The following SH3GL1 variants were observed in gnomAD, a reference collection of about 807,000 sequenced individuals.
SH3GL1 encodes the protein endophilin-A2.
SH3GL1 carries 21 observed loss-of-function variants against 48.8 expected under a neutral mutation model. The ratio of observed to expected loss-of-function variants is 0.43; its 90% CI spans 0.30 to 0.62. The LOEUF (loss-of-function observed/expected upper bound fraction) is 0.62. Among genes scored for constraint, SH3GL1 ranks in the 20% least tolerant of loss-of-function variants. The probability of loss-of-function intolerance (pLI) is 0.11; values close to 1 mark genes in which losing one functional copy is unlikely to be tolerated. For missense variants in SH3GL1, 454 were observed against 503.0 expected, an observed-to-expected ratio of 0.90 and a Z score of 0.93; for synonymous variants, 282 against 217.5, an observed-to-expected ratio of 1.30 and a Z score of -2.61.
In SH3GL1 at chr19:4,376,473, C is replaced by T. The variant is rs1277263347; in HGVS notation, c.46-9479G>A. Among the ~76,000 whole-genome samples, 6 of 152,150 alleles carry T rather than the reference C, an allele frequency of 3.9e-5. No individual in the cohort carries two copies. The highest frequency in any genetic ancestry group is 3.9e-4 in the Admixed American group (6 of 15,274). On this transcript the variant is annotated intron_variant, in intron 1 of 9. Coordinates refer to ENST00000269886, the MANE Select transcript of SH3GL1 (RefSeq NM_003025.4). The surrounding 1 kb of genome is among the most constrained non-coding windows in gnomAD (Gnocchi z 4.3). Reference sequence around the variant, plus strand: ...GTGCTTGCCTCTCCCGTGTCCTATCCGCCCAGACCTCAGACCTCAGAGAAG... The same window carrying T: ...GTGCTTGCCTCTCCCGTGTCCTATCTGCCCAGACCTCAGACCTCAGAGAAG...
In SH3GL1 at chr19:4,361,527, C is replaced by A. The variant is rs1410682828; in HGVS notation, c.*73G>T. 7 of 1,212,784 alleles carry A rather than the reference C, an allele frequency of 5.8e-6. No individual in the cohort carries two copies. Among genetic ancestry groups the A allele is most frequent in the Non-Finnish European group, 5.8e-6 (5 of 861,694 alleles). The allele number at this position is 1,212,784 out of a possible 1,614,324, so 75.1% of individuals were successfully genotyped here. On this transcript the variant is annotated 3_prime_UTR_variant, in exon 10 of 10. Transcript: ENST00000269886. ...GACACCGCCCTGGCAGCAGGGGCTC[C>A]GTGGAATGCAGGAGACCCAGCAGGG...
At chr19:4,375,982 G>C (rs1443415935) in intron 1 of SH3GL1, among the ~76,000 whole-genome samples, 2 of 152,178 alleles carry the variant, frequency 1.3e-5, no homozygotes, top group Non-Finnish European at 2.9e-5. Context: ...TTTCTCAACA[G>C]CTCCTCAAAA....
At chr19:4,387,038 G>A (rs1023855831) in intron 1 of SH3GL1, among the ~76,000 whole-genome samples, 4 of 152,098 alleles carry the variant, frequency 2.6e-5, no homozygotes, top group South Asian at 2.1e-4. Flanking sequence ...CCGGGTTCAC[G>A]CCATACTCCT....
rs546355639 is a variant in SH3GL1 at position 4,389,792 on chromosome 19, G to A, written c.45+10532C>T. ...GCAATGAGCACAAATGCCTGGCTCCGGCGGCAATGGGCTCATATTCCAGTG... is the reference window on the plus strand; with the variant it reads ...GCAATGAGCACAAATGCCTGGCTCCAGCGGCAATGGGCTCATATTCCAGTG... On this transcript the variant is annotated intron_variant, in intron 1 of 9. Transcript: ENST00000269886. This position sits in a 1 kb window ranked among gnomAD's most constrained non-coding sequence, Gnocchi z 4.5. 3.3e-5 allele frequency among the ~76,000 whole-genome samples: 5 copies of A among 152,322 alleles called. No individual in the cohort carries two copies. Among genetic ancestry groups the A allele is most frequent in the Admixed American group, 1.3e-4 (2 of 15,310 alleles).
intron 7 of SH3GL1, 148 bp downstream of exon 7, chr19:4,363,222 C>A: frequency 3.0e-6 from 2 of 674,330 alleles, no homozygotes; most frequent in Non-Finnish European, 5.1e-6. Flanking sequence ...ACCTCGCGGC[C>A]CCCCAGGCCT....
At chr19:4,386,554 T>C (rs1286945998) in intron 1 of SH3GL1, among the ~76,000 whole-genome samples, 7 of 148,906 alleles carry the variant, frequency 4.7e-5, no homozygotes, top group Non-Finnish European at 3.0e-5. Flanking sequence ...CCCAGGCAGA[T>C]CTCAAACTCC....
intron 2 of SH3GL1, 41 bp from the exon 3 acceptor site, chr19:4,366,614 G>A (rs1375711152): frequency 6.4e-7 from 1 of 1,572,794 alleles, no homozygotes; most frequent in Non-Finnish European, 8.7e-7. Context: ...CAGCCAGTGG[G>A]GGCCCAAGGC....
chr19:4,361,572 G>A lies in SH3GL1; in HGVS notation c.*28C>T, dbSNP rs561199775. ...GCAGGGGGTGCCGGCCAGTGTGGAC[G>A]GAGGGGCGGGGCGGGGACACGGGTG... On this transcript the variant is annotated 3_prime_UTR_variant, in exon 10 of 10. Transcript: ENST00000269886. 1.4e-5 allele frequency: 21 copies of A among 1,543,322 alleles called. No homozygotes were observed. The highest frequency in any genetic ancestry group is 4.5e-5 in the East Asian group (2 of 44,274).
intron 1 of SH3GL1, among the ~76,000 whole-genome samples, chr19:4,391,191 G>C (rs751817707): frequency 6.6e-6 from 1 of 152,150 alleles, no homozygotes. Flanking sequence ...CACTGCGCAC[G>C]TGACAGCGGC....
rs1973496994 is a variant in SH3GL1 at position 4,400,168 on chromosome 19, C to G, written c.45+156G>C. ...GGCAGGGCCTGGGCCACCTCGTCGC[C>G]CCCGTCCGTCCCTTGGTCTTCCCAC... On this transcript the variant is annotated intron_variant, in intron 1 of 9. Coordinates refer to ENST00000269886, the MANE Select transcript of SH3GL1 (RefSeq NM_003025.4). This position sits in a 1 kb window ranked among gnomAD's most constrained non-coding sequence, Gnocchi z 4.1. 6.6e-6 allele frequency among the ~76,000 whole-genome samples: 1 copy of G among 152,172 alleles called. No individual in the cohort carries two copies. Among genetic ancestry groups the G allele is most frequent in the Non-Finnish European group, 1.5e-5 (1 of 67,996 alleles).
chr19:4,366,475 G>C, intron 3 of SH3GL1, 26 bp downstream of exon 3: 4 of 1,585,244 alleles, frequency 2.5e-6, no homozygotes, highest in African/African-American at 1.3e-5. Flanking sequence ...CCTGGGGCAG[G>C]CCCTGGCAGT....
chr19:4,364,357 C>CA, intron 4 of SH3GL1, 136 bp from the exon 5 acceptor site: 1 of 1,145,310 alleles, frequency 8.7e-7, no homozygotes, highest in Non-Finnish European at 1.3e-6. Flanking sequence ...CTGCAGGCCT[C>CA]AAACTGGGCT....
At chr19:4,394,622 A>G (rs1973393514) in intron 1 of SH3GL1, among the ~76,000 whole-genome samples, 1 of 152,200 alleles carries the variant, frequency 6.6e-6, no homozygotes, top group East Asian at 1.9e-4. Flanking sequence ...TAAGGTTCTT[A>G]CCATTATCAC....
Position 4,367,743 on chromosome 19 carries a change from C to T in SH3GL1, c.46-749G>A, listed in dbSNP as rs1379736369. Among the ~76,000 whole-genome samples the T allele has an allele frequency of 6.6e-6, 1 of 152,214 alleles. No homozygotes were observed. The highest frequency in any genetic ancestry group is 1.9e-4 in the East Asian group (1 of 5,198). The stretch of plus-strand genomic sequence containing the variant: ...ATTCCCAAACCACTCCCTCTGACAG[C>T]GCCTGGGATGCGAAAAACAGCCCTG... On this transcript the variant is annotated intron_variant, in intron 1 of 9. Coordinates refer to ENST00000269886, the MANE Select transcript of SH3GL1 (RefSeq NM_003025.4). This position sits in a 1 kb window ranked among gnomAD's most constrained non-coding sequence, Gnocchi z 4.2.
chr19:4,371,927 C>G (rs1434790338), intron 1 of SH3GL1, among the ~76,000 whole-genome samples: 1 of 152,238 alleles, frequency 6.6e-6, no homozygotes, highest in African/African-American at 2.4e-5. Context: ...GGAGAAATGG[C>G]AGGTGGGCAC....
intron 1 of SH3GL1, among the ~76,000 whole-genome samples, chr19:4,394,793 A>C (rs951359936): frequency 2.0e-5 from 3 of 152,250 alleles, no homozygotes; most frequent in African/African-American, 7.2e-5. Flanking sequence ...GGTTTAAAGC[A>C]GGGTTTCTTA....
chr19:4,392,518 T>TCACACACACACA (rs60108906), intron 1 of SH3GL1, among the ~76,000 whole-genome samples: 38 of 137,860 alleles, frequency 2.8e-4, no homozygotes, highest in Admixed American at 5.3e-4. Flanking sequence ...CAAGACTCCG[T>TCACACACACACA]CACACACACA....
Position 4,367,114 on chromosome 19 carries a change from A to T in SH3GL1, c.46-120T>A. The T allele has an allele frequency of 1.1e-6, 1 of 885,150 alleles. No homozygotes were observed. Among genetic ancestry groups the T allele is most frequent in the South Asian group, 1.3e-5 (1 of 75,362 alleles). 54.8% of individuals were successfully genotyped at this position (885,150 alleles called of 1,614,324 possible). A position where few individuals can be genotyped will look rare whatever the true frequency, so the allele number is the denominator to read the frequency against. ...ACAGCTGGAGGCAGGAGGCCAAGTG[A>T]TCAGGACACACACCTCAGGCACTGC... On this transcript the variant is annotated intron_variant, in intron 1 of 9. Transcript: ENST00000269886. This position sits in a 1 kb window ranked among gnomAD's most constrained non-coding sequence, Gnocchi z 4.2.
At chr19:4,381,101 C>T (rs1350988512) in intron 1 of SH3GL1, among the ~76,000 whole-genome samples, 1 of 120,730 alleles carries the variant, frequency 8.3e-6, no homozygotes, top group African/African-American at 3.7e-5. Flanking sequence ...TCTCTGTCCC[C>T]TTTGCCTCTG....
Sources: allele counts gnomAD v4.1 joint callset (sites outside exome capture counted in the v4.1 genomes callset), GRCh38; gene constraint gnomAD v4.1.1; non-coding constraint Gnocchi (gnomAD v3.1); transcripts MANE v1.5; gene names NCBI Gene and HGNC (gene_info 2026-07-23, HGNC 2026-07-21).